Variants in RBFOX1 observed in about 807,000 individuals in gnomAD.
RBFOX1 encodes the protein RNA binding fox-1 homolog 1.
A neutral mutation model predicts 57.7 loss-of-function variants in RBFOX1; 8 were observed. The observed-to-expected ratio is 0.14, with a 90% CI of 0.08 to 0.25. RBFOX1 has a LOEUF of 0.25. RBFOX1 is among the 10% of genes least tolerant of loss of function. The pLI, the probability that RBFOX1 is intolerant of heterozygous loss-of-function variation, is 1.00. For synonymous variants in RBFOX1, 326 were observed against 222.4 expected (o/e 1.47, Z -4.15); for missense variants, 611 against 548.5 (o/e 1.11, Z -1.14).
At chr16:6,410,530 C>G (rs1050680238) in intron 2 of RBFOX1, among the ~76,000 whole-genome samples, 3 of 151,904 alleles carry the variant, frequency 2.0e-5, no homozygotes, top group Admixed American at 6.6e-5. Context: ...CCAGGATGGT[C>G]TGGATCTCCT....
chr16:6,473,481 C>G (rs802698), intron 2 of RBFOX1, among the ~76,000 whole-genome samples: 5 of 151,912 alleles, frequency 3.3e-5, no homozygotes, highest in African/African-American at 1.2e-4. Flanking sequence ...TCTGTCATCT[C>G]CTTGTTTCTT....
chr16:5,924,004 G>C (rs1284009627), intron 4 of RBFOX1, among the ~76,000 whole-genome samples: 1 of 152,132 alleles, frequency 6.6e-6, no homozygotes, highest in African/African-American at 2.4e-5. Context: ...ACAATGTGGA[G>C]GTAATTGGCT....
chr16:6,065,965 C>G (rs954779311), intron 1 of RBFOX1, among the ~76,000 whole-genome samples: 1 of 152,150 alleles, frequency 6.6e-6, no homozygotes, highest in African/African-American at 2.4e-5. Flanking sequence ...GTGCGCTAAG[C>G]ATGAGATCTT....
At chr16:6,153,590 T>C (rs545702395) in intron 1 of RBFOX1, among the ~76,000 whole-genome samples, 4 of 152,168 alleles carry the variant, frequency 2.6e-5, no homozygotes, top group Admixed American at 1.3e-4. Flanking sequence ...GGCTGAAGTA[T>C]AGTGGCATGA....
chr16:7,001,503 A>C (rs12599837), intron 3 of RBFOX1, among the ~76,000 whole-genome samples: 31,744 of 151,704 alleles, frequency 0.21, 3,693 homozygotes, highest in Middle Eastern at 0.33. Context: ...GTTGCCGAGG[A>C]TGGAGTACAG....
chr16:7,475,531 G>C (rs1196736010), intron 4 of RBFOX1, among the ~76,000 whole-genome samples: 2 of 152,100 alleles, frequency 1.3e-5, no homozygotes, highest in East Asian at 1.9e-4. Context: ...AGGCATGATA[G>C]TCTTGATCTC....
intron 3 of RBFOX1, among the ~76,000 whole-genome samples, chr16:7,037,606 A>G (rs533113939): frequency 6.6e-6 from 1 of 152,222 alleles, no homozygotes; most frequent in Non-Finnish European, 1.5e-5. Context: ...TGTAGTGAAA[A>G]GGCACGTTAT....
chr16:5,436,720 C>A (rs1313057581), intron 1 of RBFOX1, among the ~76,000 whole-genome samples: 1 of 151,978 alleles, frequency 6.6e-6, no homozygotes, highest in Admixed American at 6.6e-5. Context: ...TGCCTGTAAT[C>A]CCACCTGTTT....
At chr16:6,038,834 C>T (rs1452687105) in intron 1 of RBFOX1, 1 of 148,450 alleles carries the variant, frequency 6.7e-6, no homozygotes, top group East Asian at 2.0e-4. Flanking sequence ...TTTAAGGCCA[C>T]ACCCAGCAAT....
intron 1 of RBFOX1, among the ~76,000 whole-genome samples, chr16:5,292,080 G>A (rs1228802596): frequency 6.6e-6 from 1 of 152,128 alleles, no homozygotes; most frequent in Admixed American, 6.6e-5. Context: ...TATCACAGAG[G>A]GATGGACGTT....
At chr16:7,293,966 C>G (rs1185083812) in intron 4 of RBFOX1, among the ~76,000 whole-genome samples, 1 of 152,088 alleles carries the variant, frequency 6.6e-6, no homozygotes, top group Non-Finnish European at 1.5e-5. Flanking sequence ...CACTTCTAGT[C>G]AGAAATGCTT....
At chr16:5,499,847 A>G (rs530831924) in intron 2 of RBFOX1, among the ~76,000 whole-genome samples, 1 of 152,274 alleles carries the variant, frequency 6.6e-6, no homozygotes, top group African/African-American at 2.4e-5. Context: ...TGTTGGGATT[A>G]CAGGCATGAG....
At chr16:7,370,902 A>G (rs1193220902) in intron 4 of RBFOX1, among the ~76,000 whole-genome samples, 1 of 152,220 alleles carries the variant, frequency 6.6e-6, no homozygotes, top group African/African-American at 2.4e-5. Context: ...AAAGAAATGG[A>G]GAGAAATGGT....
intron 10 of RBFOX1, among the ~76,000 whole-genome samples, chr16:7,629,323 T>C (rs1347437867): frequency 6.6e-6 from 1 of 152,160 alleles, no homozygotes; most frequent in Non-Finnish European, 1.5e-5. Context: ...AACTACATTT[T>C]TGTTGATCAT....
chr16:6,923,865 C>T (rs1408466421), intron 3 of RBFOX1, among the ~76,000 whole-genome samples: 2 of 152,062 alleles, frequency 1.3e-5, no homozygotes, highest in Admixed American at 1.3e-4. Flanking sequence ...GTCCATGCTG[C>T]ATTGCTATAA....
At chr16:7,330,879 T>G (rs550566711) in intron 4 of RBFOX1, among the ~76,000 whole-genome samples, 1 of 152,284 alleles carries the variant, frequency 6.6e-6, no homozygotes, top group East Asian at 1.9e-4. Flanking sequence ...CTCACAGTGA[T>G]GCTTCTGTCC....
At chr16:7,445,345 C>A (rs2098799960) in intron 4 of RBFOX1, among the ~76,000 whole-genome samples, 1 of 152,198 alleles carries the variant, frequency 6.6e-6, no homozygotes, top group Admixed American at 6.5e-5. Flanking sequence ...CGCTACTCCT[C>A]TCTTAATCTG....
At chr16:6,651,749 G>A (rs1451011344) in intron 2 of RBFOX1, among the ~76,000 whole-genome samples, 1 of 152,134 alleles carries the variant, frequency 6.6e-6, no homozygotes, top group Non-Finnish European at 1.5e-5. Flanking sequence ...GAATAGATAC[G>A]TACACACCCG....
At chr16:6,842,541 C>G (rs570540367) in intron 3 of RBFOX1, among the ~76,000 whole-genome samples, 54 of 151,958 alleles carry the variant, frequency 3.6e-4, no homozygotes, top group African/African-American at 1.3e-3. Context: ...TGATGAATAT[C>G]TGTATCAACT....
Sources: gnomAD v4.1 joint callset for allele counts (sites outside exome capture counted in the v4.1 genomes callset) on GRCh38, gnomAD v4.1.1 for gene constraint, MANE v1.5 for transcripts, NCBI Gene and HGNC (gene_info 2026-07-23, HGNC 2026-07-21) for gene names.